PCM1: variants seen among roughly 807,000 people sequenced by gnomAD.
The protein encoded by PCM1 is pericentriolar material 1.
A neutral mutation model predicts 241.9 loss-of-function variants in PCM1; 157 were observed. The observed-to-expected ratio is 0.65, with a 90% CI of 0.57 to 0.74. The LOEUF (loss-of-function observed/expected upper bound fraction) is 0.74, where lower values mean the gene tolerates loss of function less well. Among genes scored for constraint, PCM1 ranks in the 30% least tolerant of loss-of-function variants. The pLI, the probability that PCM1 is intolerant of heterozygous loss-of-function variation, is 0.00. For missense variants in PCM1, 3,478 were observed against 2,360.1 expected, an observed-to-expected ratio of 1.47 and a Z score of -9.81; for synonymous variants, 1,085 against 784.9, an observed-to-expected ratio of 1.38 and a Z score of -6.39.
chr8:18,014,586 G>T lies in PCM1; in HGVS notation c.5587G>T (p.Asp1863Tyr). Residue 1863 changes from aspartate to tyrosine, a missense_variant and splice_region_variant, in exon 36 of 39, where the codon GAC becomes TAC. Transcript: ENST00000325083. The part of the protein sequence containing the change: ...PLEREATSKN[D>Y]QNNCPVKPCY... ...TTAAGACTTTCTTTTGATGACAGATGACCAAAATAACTGTCCTGTGAAACC... is the reference window on the plus strand; with the variant it reads ...TTAAGACTTTCTTTTGATGACAGATTACCAAAATAACTGTCCTGTGAAACC... 6.3e-7 allele frequency: 1 copy of T among 1,595,214 alleles called. No individual in the cohort carries two copies. Among genetic ancestry groups the T allele is most frequent in the Non-Finnish European group, 8.6e-7 (1 of 1,168,880 alleles).
In PCM1 at chr8:17,963,122, C is replaced by A; in HGVS notation, c.2485C>A (p.His829Asn). Residue 829 changes from histidine to asparagine, a missense_variant, in exon 17 of 39, where the codon CAT (histidine) becomes AAT (asparagine). Physicochemically the swap from His to Asn is moderately conservative, Grantham distance 68. Coordinates refer to ENST00000325083, the MANE Select transcript of PCM1 (RefSeq NM_006197.4). ...ATAGTTGTGGTCAGAAATGAGAAGA[C>A]ATGAAATGTTGAGGGAGGAGCTGCG... ...DNELWSEMRR[H>N]EMLREELRQR... The A allele has an allele frequency of 1.2e-6, 2 of 1,610,986 alleles. No homozygotes were observed. The highest frequency in any genetic ancestry group is 1.7e-6 in the Non-Finnish European group (2 of 1,178,394).
At chr8:17,962,965 A>C (rs1241979819) in intron 16 of PCM1, 136 bp from the exon 17 acceptor site, 3 of 624,626 alleles carry the variant, frequency 4.8e-6, no homozygotes, top group Non-Finnish European at 8.2e-6. Flanking sequence ...TTTAACCTTC[A>C]TGGACATGTT....
At position 17,935,791 on chromosome 8, in the gene PCM1, T is replaced by TTTA. The variant is rs1349821250; in HGVS notation, c.96+85_96+86insTTA. 7.0e-6 allele frequency: 5 copies of TTTA among 710,552 alleles called. No individual in the cohort carries two copies. In the African/African-American group the frequency reaches 8.7e-5, roughly 12 times the overall value. 44.0% of individuals were successfully genotyped at this position (710,552 alleles called of 1,614,324 possible). A position where few individuals can be genotyped will look rare whatever the true frequency, so the allele number is the denominator to read the frequency against. On this transcript the variant is annotated intron_variant, in intron 3 of 38. Coordinates refer to ENST00000325083, the MANE Select transcript of PCM1 (RefSeq NM_006197.4). ...CCCCTGACCAAATTTAACTCACTGA[T>TTTA]GCTCTTTGTATACACTTGCTGGCCA...
rs2129466404 is a variant in PCM1, at chr8:17,960,057, A to C, written c.2084A>C (p.Asn695Thr). Residue 695 changes from asparagine to threonine, a missense_variant, in exon 14 of 39, where the codon AAT becomes ACT. Asn to Thr is a moderately conservative substitution (Grantham distance 65). Transcript: ENST00000325083. ...AQGVISASAS[N>T]LDDFYPAEED... ...GGAGTTATCTCTGCCAGTGCATCAA[A>C]TTTGGATGATTTCTACCCAGCAGAA... 1.2e-6 allele frequency: 2 copies of C among 1,612,678 alleles called. No homozygotes were observed. Among genetic ancestry groups the C allele is most frequent in the Non-Finnish European group, 8.5e-7 (1 of 1,179,276 alleles).
At chr8:18,023,143 C>T (rs893597687) in intron 36 of PCM1, among the ~76,000 whole-genome samples, 1 of 152,120 alleles carries the variant, frequency 6.6e-6, no homozygotes. Context: ...CTGGATTATT[C>T]ATCTTGTATG....
At chr8:17,972,025 A>G (rs1269205389) in intron 22 of PCM1, among the ~76,000 whole-genome samples, 1 of 152,196 alleles carries the variant, frequency 6.6e-6, no homozygotes, top group Non-Finnish European at 1.5e-5. Context: ...AGTTACAGGC[A>G]TGAGCCACTG....
intron 8 of PCM1, among the ~76,000 whole-genome samples, chr8:17,950,938 ATACTT>A (rs1563833412): frequency 6.6e-6 from 1 of 152,246 alleles, no homozygotes; most frequent in East Asian, 1.9e-4. Flanking sequence ...CCTGGGGACT[ATACTT>A]TAAGAATCAC....
chr8:18,019,511 G>T (rs112910452), intron 36 of PCM1, among the ~76,000 whole-genome samples: 4 of 152,156 alleles, frequency 2.6e-5, no homozygotes, highest in African/African-American at 9.7e-5. Flanking sequence ...ATCAGTGGGA[G>T]ACCTGAGCTT....
intron 23 of PCM1, among the ~76,000 whole-genome samples, chr8:17,977,266 C>G (rs1383036883): frequency 6.6e-6 from 1 of 151,960 alleles, no homozygotes. Flanking sequence ...CAAGAGGTCT[C>G]TCTTTTCAGT....
At position 18,014,771 on chromosome 8, in the gene PCM1, T is replaced by C; in HGVS notation, c.5772T>C (p.Ala1924=). The C allele has an allele frequency of 1.2e-6, 2 of 1,610,772 alleles. No homozygotes were observed. Among genetic ancestry groups the C allele is most frequent in the Non-Finnish European group, 1.7e-6 (2 of 1,179,390 alleles). ...CTAGAGTCAAAGAAGTTAAATCTGC[T>C]CAGGAAACTCCTGAAAGCTCTCTGG... ...LVPRVKEVKS[A]QETPESSLAG... The change falls in exon 36 of 39, where the codon GCT becomes GCC. Residue 1924 remains alanine (A), a synonymous_variant. Coordinates refer to ENST00000325083, the MANE Select transcript of PCM1 (RefSeq NM_006197.4).
chr8:17,936,011 G>T (rs796526728), intron 3 of PCM1, among the ~76,000 whole-genome samples: 2 of 152,106 alleles, frequency 1.3e-5, no homozygotes, highest in African/African-American at 4.8e-5. Flanking sequence ...CAAGAATTAC[G>T]TTTTCACCAC....
chr8:17,967,445 A>G lies in PCM1; in HGVS notation c.3412+275A>G, dbSNP rs562341284. Among the ~76,000 whole-genome samples the G allele has an allele frequency of 4.5e-3, 689 of 152,020 alleles. 8 individuals carry two copies. Among genetic ancestry groups the G allele is most frequent in the African/African-American group, 0.015 (640 of 41,486 alleles). Reference sequence around the variant, plus strand: ...TGCCTCAGCTTCCTAAGTAGCTGGGATTACAGGCATGTGCCACCGTGCCCA... The same window carrying G: ...TGCCTCAGCTTCCTAAGTAGCTGGGGTTACAGGCATGTGCCACCGTGCCCA... On this transcript the variant is annotated intron_variant, in intron 21 of 38. Transcript: ENST00000325083.
chr8:17,995,778 C>G (rs1017210067), intron 29 of PCM1, among the ~76,000 whole-genome samples: 1 of 151,948 alleles, frequency 6.6e-6, no homozygotes, highest in African/African-American at 2.4e-5. Flanking sequence ...AGATCTTTCA[C>G]TTATTTGGTT....
chr8:17,973,041 A>G (rs984998169), intron 23 of PCM1, among the ~76,000 whole-genome samples: 1 of 151,924 alleles, frequency 6.6e-6, no homozygotes, highest in African/African-American at 2.4e-5. Flanking sequence ...TGACTTTTAG[A>G]TGGATTCTTG....
intron 23 of PCM1, among the ~76,000 whole-genome samples, chr8:17,973,997 T>G (rs2129472745): frequency 6.6e-6 from 1 of 152,322 alleles, no homozygotes; most frequent in African/African-American, 2.4e-5. Context: ...CAGTAATTCA[T>G]CTATCCTTGA....
At chr8:17,992,882 GC>G (rs1363083717) in intron 28 of PCM1, among the ~76,000 whole-genome samples, 1 of 150,354 alleles carries the variant, frequency 6.7e-6, no homozygotes, top group Non-Finnish European at 1.5e-5. Flanking sequence ...CTCCCAATGT[GC>G]TGGGATTACA....
chr8:17,951,991 G>A (rs1156985913), intron 8 of PCM1, among the ~76,000 whole-genome samples: 2 of 152,136 alleles, frequency 1.3e-5, no homozygotes, highest in Non-Finnish European at 2.9e-5. Context: ...GGGAGGCCGA[G>A]GCGGGTGGAT....
At chr8:17,935,528 G>C in intron 2 of PCM1, 61 bp from the exon 3 acceptor site, 1 of 649,108 alleles carries the variant, frequency 1.5e-6, no homozygotes, top group Non-Finnish European at 2.8e-6. Flanking sequence ...TTCATGGAAT[G>C]ATTTGAAAAT....
intron 36 of PCM1, among the ~76,000 whole-genome samples, chr8:18,021,218 T>A (rs208024): frequency 6.6e-6 from 1 of 151,978 alleles, no homozygotes; most frequent in Non-Finnish European, 1.5e-5. Context: ...TCCTGAGTCC[T>A]TCAAACTGTC....
Sources: allele counts gnomAD v4.1 joint callset (sites outside exome capture counted in the v4.1 genomes callset), GRCh38; gene constraint gnomAD v4.1.1; transcripts MANE v1.5; gene names NCBI Gene and HGNC (gene_info 2026-07-23, HGNC 2026-07-21).